MYB: variants seen among roughly 807,000 people sequenced by gnomAD.
MYB encodes the protein transcriptional activator Myb.
Under a neutral mutation model 92.9 loss-of-function variants are expected in MYB, and 28 were observed. The ratio of observed to expected loss-of-function variants is 0.30; its 90% CI spans 0.22 to 0.41. The LOEUF is 0.41. Ranked by LOEUF, MYB falls within the 10% of genes least tolerant of loss-of-function variation. The pLI, the probability that MYB is intolerant of heterozygous loss-of-function variation, is 1.00. For synonymous variants in MYB, 295 were observed against 329.1 expected (o/e 0.90, Z 1.12); for missense variants, 679 against 929.3 (o/e 0.73, Z 3.50).
chr6:135,214,305 T>C (rs1032194049), intron 15 of MYB, among the ~76,000 whole-genome samples: 1 of 151,750 alleles, frequency 6.6e-6, no homozygotes, highest in African/African-American at 2.4e-5. Context: ...AAGAAAATTC[T>C]ATATTGATTG....
chr6:135,218,099 C>A lies in MYB; in HGVS notation c.*119C>A. 3 of 749,802 alleles carry A rather than the reference C, an allele frequency of 4.0e-6. No homozygotes were observed. The highest frequency in any genetic ancestry group is 1.6e-5 in the South Asian group (1 of 63,240). The allele number at this position is 749,802 out of a possible 1,614,324, so 46.4% of individuals were successfully genotyped here. A position where few individuals can be genotyped will look rare whatever the true frequency, so the allele number is the denominator to read the frequency against. On this transcript the variant is annotated 3_prime_UTR_variant, in exon 16 of 16. Coordinates refer to ENST00000341911, the MANE Select transcript of MYB (RefSeq NM_001130173.2). ...AGAACCTATTTTTGTTGTGGTACAA[C>A]AGTTGAGAGCAGCACCAAGTGCATT... is the stretch of plus-strand genomic sequence containing the variant.
rs201287242 is a variant in MYB at position 135,192,375 on chromosome 6, C to G, written c.579C>G (p.Val193=). ...GGAATTCTACAATGCGTCGGAAGGT[C>G]GAACAGGAAGGTTATCTGCAGGAGT... ...NHWNSTMRRK[V]EQEGYLQESS... The change falls in exon 6 of 16, where the codon GTC becomes GTG. Residue 193 remains valine (V), a synonymous_variant. Coordinates refer to ENST00000341911, the MANE Select transcript of MYB (RefSeq NM_001130173.2). The G allele has an allele frequency of 5.0e-6, 8 of 1,614,086 alleles. No homozygotes were observed. The highest frequency in any genetic ancestry group is 2.7e-5 in the African/African-American group (2 of 74,936).
chr6:135,181,779 C>T lies in MYB; in HGVS notation c.23+243C>T, dbSNP rs919566143. Among the ~76,000 whole-genome samples, 2 of 152,206 alleles carry T rather than the reference C, an allele frequency of 1.3e-5. No individual in the cohort carries two copies. The highest frequency in any genetic ancestry group is 6.5e-5 in the Admixed American group (1 of 15,282). On this transcript the variant is annotated intron_variant, in intron 1 of 15. Transcript: ENST00000341911. This position sits in a 1 kb window ranked among gnomAD's most constrained non-coding sequence, Gnocchi z 5.3. ...GCCCTGCGGCTCATTTTGCAAGTTG[C>T]ATGGGGATACATTTTTCTTTAGGGG...
At chr6:135,195,607 T>C (rs1777189829) in intron 8 of MYB, 141 bp from the exon 9 acceptor site, 1 of 883,956 alleles carries the variant, frequency 1.1e-6, no homozygotes, top group Non-Finnish European at 1.7e-6. Flanking sequence ...GACAACTGTT[T>C]CATAGGCGTA....
chr6:135,212,369 A>G (rs1779866638), intron 15 of MYB, among the ~76,000 whole-genome samples: 1 of 151,206 alleles, frequency 6.6e-6, no homozygotes, highest in Admixed American at 6.6e-5. Context: ...AATAATAAGA[A>G]CCGTTTTTGT....
chr6:135,200,183 G>T lies in MYB; in HGVS notation c.1808G>T (p.Gly603Val). ...HALAAQEIKY[G>V]PLKMLPQTPS... is the part of the protein sequence containing the mutation. ...CTTGCAGCTCAAGAAATTAAATACG[G>T]TCCCCTGAAGATGCTAGTAAGTTCT... Residue 603 changes from glycine (G) to valine (V), a missense_variant, in exon 12 of 16, where the codon GGT becomes GTT. By Grantham distance (109) the Gly-to-Val change is moderately radical (BLOSUM62 -3). This residue lies in a region of MYB where 402 missense variants were observed against 434.2 expected (regional missense o/e 0.93). Coordinates refer to ENST00000341911, the MANE Select transcript of MYB (RefSeq NM_001130173.2). 2 of 1,614,078 alleles carry T rather than the reference G, an allele frequency of 1.2e-6. No individual in the cohort carries two copies. Among genetic ancestry groups the T allele is most frequent in the Non-Finnish European group, 1.7e-6 (2 of 1,179,988 alleles).
chr6:135,181,677 T>C lies in MYB; in HGVS notation c.23+141T>C, dbSNP rs1356923255. 1 of 442,880 alleles carries C rather than the reference T, an allele frequency of 2.3e-6. No homozygotes were observed. The highest frequency in any genetic ancestry group is 3.2e-6 in the Non-Finnish European group (1 of 313,004). 27.4% of individuals were successfully genotyped at this position (442,880 alleles called of 1,614,324 possible). On this transcript the variant is annotated intron_variant, in intron 1 of 15. Coordinates refer to ENST00000341911, the MANE Select transcript of MYB (RefSeq NM_001130173.2). The surrounding 1 kb of genome is among the most constrained non-coding windows in gnomAD (Gnocchi z 5.3). ...CCTCCGAGGACCTGGAGCCCCTGCC[T>C]CGGCAGCAGAAGCCGCTCCAGAGAC...
Position 135,182,979 on chromosome 6 carries a change from T to G in MYB, c.23+1443T>G, listed in dbSNP as rs918678690. Among the ~76,000 whole-genome samples, 1 of 149,874 alleles carries G rather than the reference T, an allele frequency of 6.7e-6. No individual in the cohort carries two copies. Among genetic ancestry groups the G allele is most frequent in the African/African-American group, 2.5e-5 (1 of 40,676 alleles). ...GGGCTCCACTTTTCGCCTTTAGGACTTCACAGGACAGCTACCGGGGTCATC... is the reference window on the plus strand; with the variant it reads ...GGGCTCCACTTTTCGCCTTTAGGACGTCACAGGACAGCTACCGGGGTCATC... On this transcript the variant is annotated intron_variant, in intron 1 of 15. Transcript: ENST00000341911. This position sits in a 1 kb window ranked among gnomAD's most constrained non-coding sequence, Gnocchi z 5.6.
In MYB at chr6:135,181,403, C is replaced by T. The variant is rs562716178; in HGVS notation, c.-111C>T. 5.6e-6 allele frequency: 4 copies of T among 714,562 alleles called. No homozygotes were observed. The highest frequency in any genetic ancestry group is 7.1e-6 in the Non-Finnish European group (4 of 559,630). 44.3% of individuals were successfully genotyped at this position (714,562 alleles called of 1,614,324 possible). The stretch of plus-strand genomic sequence containing the variant: ...CCTGAGAAACTTCGCCCCAGCGGTG[C>T]GGAGCGCCGCTGCGCAGCCGGGGAG... On this transcript the variant is annotated 5_prime_UTR_variant, in exon 1 of 16. Transcript: ENST00000341911. This position sits in a 1 kb window ranked among gnomAD's most constrained non-coding sequence, Gnocchi z 5.3.
At chr6:135,193,107 G>A (rs1434190822) in intron 6 of MYB, among the ~76,000 whole-genome samples, 1 of 152,124 alleles carries the variant, frequency 6.6e-6, no homozygotes, top group African/African-American at 2.4e-5. Flanking sequence ...GCAGAACTTT[G>A]TGACATTCAT....
chr6:135,197,504 G>A (rs976974282), intron 10 of MYB, among the ~76,000 whole-genome samples, 181 bp downstream of exon 10: 1 of 152,144 alleles, frequency 6.6e-6, no homozygotes, highest in Non-Finnish European at 1.5e-5. Flanking sequence ...CTGTCTGCAG[G>A]CTAACTGTTG....
chr6:135,194,739 C>A, intron 8 of MYB: 1 of 585,902 alleles, frequency 1.7e-6, no homozygotes, highest in Non-Finnish European at 2.9e-6. Context: ...AGTTTAAAGA[C>A]TAGCAAAGAT....
rs895075721 is a variant in MYB, at chr6:135,181,424, G to A, written c.-90G>A. The A allele has an allele frequency of 1.5e-5, 14 of 935,104 alleles. No individual in the cohort carries two copies. In the African/African-American group the frequency reaches 2.5e-4, roughly 17 times the overall value. The allele number at this position is 935,104 out of a possible 1,614,324, so 57.9% of individuals were successfully genotyped here. A position where few individuals can be genotyped will look rare whatever the true frequency, so the allele number is the denominator to read the frequency against. On this transcript the variant is annotated 5_prime_UTR_variant, in exon 1 of 16. Transcript: ENST00000341911. This position sits in a 1 kb window ranked among gnomAD's most constrained non-coding sequence, Gnocchi z 5.3. The stretch of plus-strand genomic sequence containing the variant: ...GGTGCGGAGCGCCGCTGCGCAGCCG[G>A]GGAGGGACGCAGGCAGGCGGCGGGC...
At chr6:135,192,274 C>A in intron 5 of MYB, 50 bp from the exon 6 acceptor site, 1 of 1,449,686 alleles carries the variant, frequency 6.9e-7, no homozygotes, top group Non-Finnish European at 9.7e-7. Flanking sequence ...TCACTTTAAT[C>A]TGAATTGAAA....
At position 135,218,731 on chromosome 6, in the gene MYB, A is replaced by G; in HGVS notation, c.*751A>G. On this transcript the variant is annotated 3_prime_UTR_variant, in exon 16 of 16. Coordinates refer to ENST00000341911, the MANE Select transcript of MYB (RefSeq NM_001130173.2). Reference sequence around the variant, plus strand: ...GAAACTTGGTGTTAGGTAATTGACTATGCACTAGTATTTCAGACTTTTTAA... The same window carrying G: ...GAAACTTGGTGTTAGGTAATTGACTGTGCACTAGTATTTCAGACTTTTTAA... The G allele has an allele frequency of 5.1e-6, 1 of 197,934 alleles. No homozygotes were observed. The highest frequency in any genetic ancestry group is 1.0e-5 in the Non-Finnish European group (1 of 95,288). The allele number at this position is 197,934 out of a possible 1,614,324, so 12.3% of individuals were successfully genotyped here. A position where few individuals can be genotyped will look rare whatever the true frequency, so the allele number is the denominator to read the frequency against.
At chr6:135,203,608 A>G (rs567184519) in intron 15 of MYB, 2 of 859,014 alleles carry the variant, frequency 2.3e-6, no homozygotes, top group African/African-American at 3.4e-5. Flanking sequence ...ACTAAGATGT[A>G]TTACACGTGT....
chr6:135,199,171 T>C, intron 11 of MYB, 121 bp downstream of exon 11: 1 of 771,638 alleles, frequency 1.3e-6, no homozygotes, highest in Middle Eastern at 3.5e-4. Flanking sequence ...CATTTATATA[T>C]AATCATGTCT....
chr6:135,190,394 GGGTATTGAA>G lies in MYB; in HGVS notation c.527+48_527+56del. 1 of 1,436,970 alleles carries G rather than the reference GGGTATTGAA, an allele frequency of 7.0e-7. No individual in the cohort carries two copies. Among genetic ancestry groups the G allele is most frequent in the South Asian group, 1.2e-5 (1 of 84,854 alleles). 89.0% of individuals were successfully genotyped at this position (1,436,970 alleles called of 1,614,324 possible). A position where few individuals can be genotyped will look rare whatever the true frequency, so the allele number is the denominator to read the frequency against. Reference sequence around the variant, plus strand: ...TATTGATCGGGAAGAATGAGGGAGTGGGTATTGAACATTCTGCTTTAAATGTATGGTGAG... The same window carrying G: ...TATTGATCGGGAAGAATGAGGGAGTGCATTCTGCTTTAAATGTATGGTGAG... On this transcript the variant is annotated intron_variant, in intron 5 of 15. Transcript: ENST00000341911. The surrounding 1 kb of genome is among the most constrained non-coding windows in gnomAD (Gnocchi z 4.5).
At position 135,217,987 on chromosome 6, in the gene MYB, T is replaced by G; in HGVS notation, c.*7T>G. 1 of 1,575,442 alleles carries G rather than the reference T, an allele frequency of 6.3e-7. No homozygotes were observed. The highest frequency in any genetic ancestry group is 1.1e-5 in the South Asian group (1 of 90,336). ...CCGGACGCTGGTCATGTGAGACATT[T>G]CCAGAAAAGCATTATGGTTTTCAGA... On this transcript the variant is annotated 3_prime_UTR_variant, in exon 16 of 16. Transcript: ENST00000341911.
Sources: gnomAD v4.1 joint callset for allele counts (sites outside exome capture counted in the v4.1 genomes callset) on GRCh38, gnomAD v4.1.1 for gene constraint, gnomAD v4.1.1 regional missense constraint, Gnocchi (gnomAD v3.1) non-coding constraint, MANE v1.5 for transcripts, NCBI Gene and HGNC (gene_info 2026-07-23, HGNC 2026-07-21) for gene names.